CDH23: variants seen among roughly 807,000 people sequenced by gnomAD.
CDH23 encodes cadherin-23.
CDH23 carries 189 observed loss-of-function variants against 317.1 expected under a neutral mutation model. That is an observed-to-expected ratio of 0.60 (90% CI 0.53 to 0.67). The LOEUF (loss-of-function observed/expected upper bound fraction) is 0.67. Ranked by LOEUF, CDH23 falls within the 30% of genes least tolerant of loss-of-function variation. The probability of loss-of-function intolerance (pLI) is 0.00; values close to 1 mark genes in which losing one functional copy is unlikely to be tolerated. For synonymous variants in CDH23, 1,839 were observed against 1,876.8 expected (o/e 0.98, Z 0.52); for missense variants, 4,401 against 4,592.4 (o/e 0.96, Z 1.20).
intron 68 of CDH23, 83 bp from the exon 69 acceptor site, chr10:71,813,161 C>A (rs1589440335): frequency 3.8e-6 from 5 of 1,311,580 alleles, no homozygotes; most frequent in Admixed American, 2.0e-5. Flanking sequence ...TGTCCGTGTA[C>A]CCCTTACTCC....
Position 71,730,450 on chromosome 10 carries a change from C to A in CDH23, c.3580-19C>A. The A allele has an allele frequency of 6.2e-7, 1 of 1,612,610 alleles. No individual in the cohort carries two copies. The highest frequency in any genetic ancestry group is 8.5e-7 in the Non-Finnish European group (1 of 1,179,542). On this transcript the variant is annotated intron_variant, in intron 30 of 69. Coordinates refer to ENST00000224721, the MANE Select transcript of CDH23 (RefSeq NM_022124.6). Reference sequence around the variant, plus strand: ...CTCCACCCCACCCTGACCTTGCACCCCTGGCCCGGCTCCCACAGGTGATTG... The same window carrying A: ...CTCCACCCCACCCTGACCTTGCACCACTGGCCCGGCTCCCACAGGTGATTG...
chr10:71,485,871 T>G (rs1852321790), intron 3 of CDH23, among the ~76,000 whole-genome samples: 1 of 152,262 alleles, frequency 6.6e-6, no homozygotes, highest in African/African-American at 2.4e-5. Flanking sequence ...CGTCTCAGTC[T>G]GAGATGCTCA....
chr10:71,600,163 C>T (rs980812303), intron 9 of CDH23, among the ~76,000 whole-genome samples: 4 of 151,914 alleles, frequency 2.6e-5, no homozygotes, highest in South Asian at 2.1e-4. Flanking sequence ...CTACTACACC[C>T]GGCTAATTTT....
Position 71,741,781 on chromosome 10 carries a change from G to A in CDH23, c.4705G>A (p.Glu1569Lys), listed in dbSNP as rs770158826. Reference sequence around the variant, plus strand: ...CAGTGTTCTGTCCTACTACATCACCGAGGGCAACAAGGACATGGCCTTCCG... The same window carrying A: ...CAGTGTTCTGTCCTACTACATCACCAAGGGCAACAAGGACATGGCCTTCCG... ...INSVLSYYIT[E>K]GNKDMAFRMD... The change falls in exon 38 of 70, where the codon GAG becomes AAG. Residue 1569 changes from glutamate (E) to lysine (K), a missense_variant. Coordinates refer to ENST00000224721, the MANE Select transcript of CDH23 (RefSeq NM_022124.6). The A allele has an allele frequency of 2.5e-5, 41 of 1,612,644 alleles. No individual in the cohort carries two copies. The highest frequency in any genetic ancestry group is 3.1e-5 in the Non-Finnish European group (36 of 1,179,446).
chr10:71,533,672 G>A (rs182689799), intron 6 of CDH23, among the ~76,000 whole-genome samples: 10 of 152,224 alleles, frequency 6.6e-5, no homozygotes, highest in Admixed American at 6.5e-4. Flanking sequence ...ATCCCAGTCA[G>A]TGGTTTGGAT....
chr10:71,810,530 T>A lies in CDH23; in HGVS notation c.9038T>A (p.Val3013Glu), dbSNP rs967701785. The change falls in exon 62 of 70, where the codon GTG (valine) becomes GAG (glutamate). Residue 3013 changes from valine to glutamate, a missense_variant. By Grantham distance (121) the Val-to-Glu change is moderately radical. Coordinates refer to ENST00000224721, the MANE Select transcript of CDH23 (RefSeq NM_022124.6). ...GCGCAGACAGAACTGCTTATCCACG[T>A]GGTGAACCGCGATACCAACCGCATC... is the stretch of plus-strand genomic sequence containing the variant. Reference protein sequence around the residue: ...NFAQTELLIHVVNRDTNRILD... With the variant: ...NFAQTELLIHEVNRDTNRILD... 6.2e-7 allele frequency: 1 copy of A among 1,613,852 alleles called. No homozygotes were observed. Among genetic ancestry groups the A allele is most frequent in the African/African-American group, 1.3e-5 (1 of 74,916 alleles).
rs369587122 is a variant in CDH23, at chr10:71,809,966, G to A, written c.8869G>A (p.Val2957Ile). Residue 2957 changes from valine to isoleucine, a missense_variant, in exon 61 of 70, where the codon GTC becomes ATC. Physicochemically the swap from Val to Ile is conservative, Grantham distance 29. Around this residue, in one of 3 missense-constraint regions of CDH23, gnomAD observed 1,144 missense variants for 1,138.2 expected, o/e 1.01. Transcript: ENST00000224721. ...CTACATCCTGAGGGACGACCAGCGC[G>A]TCAAGATCGTCATTAACGAGATCCC... is the stretch of plus-strand genomic sequence containing the variant. ...GIYILRDDQR[V>I]KIVINEIPDR... 1.1e-4 allele frequency: 170 copies of A among 1,612,014 alleles called. No individual in the cohort carries two copies. The highest frequency in any genetic ancestry group is 1.3e-4 in the Non-Finnish European group (157 of 1,179,898).
chr10:71,688,613 AG>A (rs149501057), intron 19 of CDH23, among the ~76,000 whole-genome samples: 6,082 of 132,714 alleles, frequency 0.046, 145 homozygotes, highest in South Asian at 0.075. Flanking sequence ...TGGTGGAGCC[AG>A]GGGTGGTGGA....
At chr10:71,687,578 C>T in intron 18 of CDH23, 69 bp from the exon 19 acceptor site, 1 of 1,418,538 alleles carries the variant, frequency 7.0e-7, no homozygotes, top group East Asian at 2.3e-5. Context: ...CCTTGGTGCC[C>T]ACCTTAGACA....
intron 3 of CDH23, among the ~76,000 whole-genome samples, chr10:71,450,829 G>A (rs1295810992): frequency 2.6e-5 from 4 of 152,002 alleles, no homozygotes; most frequent in Non-Finnish European, 5.9e-5. Context: ...TAGCCTCCTG[G>A]CTTGGACACT....
chr10:71,529,367 A>C (rs1231257120), intron 6 of CDH23, among the ~76,000 whole-genome samples: 1 of 152,154 alleles, frequency 6.6e-6, no homozygotes, highest in Non-Finnish European at 1.5e-5. Flanking sequence ...CTCTGGGGTC[A>C]TGCACGTAGT....
intron 1 of CDH23, among the ~76,000 whole-genome samples, chr10:71,407,490 G>A (rs1032263598): frequency 1.3e-5 from 2 of 152,166 alleles, no homozygotes; most frequent in Non-Finnish European, 2.9e-5. Flanking sequence ...CCCCCATCTG[G>A]GAAGGCCATG....
At chr10:71,547,584 C>T (rs12416192) in intron 6 of CDH23, among the ~76,000 whole-genome samples, 8 of 151,770 alleles carry the variant, frequency 5.3e-5, no homozygotes, top group South Asian at 4.2e-4. Context: ...CATAGCGCCA[C>T]GGGGGAGTCC....
intron 58 of CDH23, 39 bp from the exon 59 acceptor site, chr10:71,807,477 G>A: frequency 2.5e-6 from 4 of 1,612,540 alleles, no homozygotes; most frequent in Non-Finnish European, 3.4e-6. Flanking sequence ...CCTGCTCCTG[G>A]CCCTGCCCCC....
chr10:71,454,450 T>C (rs1307125244), intron 3 of CDH23, among the ~76,000 whole-genome samples: 1 of 152,234 alleles, frequency 6.6e-6, no homozygotes, highest in Admixed American at 6.5e-5. Flanking sequence ...CTGGCTGTCC[T>C]TTCTATTGGA....
At chr10:71,517,558 T>TG (rs11387932) in intron 6 of CDH23, among the ~76,000 whole-genome samples, 108,396 of 152,006 alleles carry the variant, frequency 0.71, 39,526 homozygotes, top group African/African-American at 0.86. Flanking sequence ...AGCGAGAAGC[T>TG]GGGGGGGAGA....
At chr10:71,635,550 G>A (rs1049076631) in intron 11 of CDH23, among the ~76,000 whole-genome samples, 3 of 152,164 alleles carry the variant, frequency 2.0e-5, no homozygotes, top group Non-Finnish European at 4.4e-5. Flanking sequence ...CTGTGCAGGC[G>A]TGTGTGGAAT....
At chr10:71,430,100 G>C (rs1451238076) in intron 1 of CDH23, among the ~76,000 whole-genome samples, 1 of 152,162 alleles carries the variant, frequency 6.6e-6, no homozygotes, top group African/African-American at 2.4e-5. Flanking sequence ...TGGGTGACTG[G>C]CAGTGACCCC....
intron 6 of CDH23, among the ~76,000 whole-genome samples, chr10:71,552,969 A>G (rs1589197546): frequency 6.6e-6 from 1 of 152,092 alleles, no homozygotes; most frequent in Non-Finnish European, 1.5e-5. Context: ...CTGTGTGACC[A>G]CCATCCAGTC....
Sources: allele counts gnomAD v4.1 joint callset (sites outside exome capture counted in the v4.1 genomes callset), GRCh38; gene constraint gnomAD v4.1.1; regional missense constraint gnomAD v4.1.1; transcripts MANE v1.5; gene names NCBI Gene and HGNC (gene_info 2026-07-23, HGNC 2026-07-21).